TNR: variants seen among roughly 807,000 people sequenced by gnomAD.
The protein encoded by TNR is tenascin-R.
A neutral mutation model predicts 150.4 loss-of-function variants in TNR; 45 were observed. The observed-to-expected ratio is 0.30, with a 90% confidence interval of 0.24 to 0.38. TNR has a LOEUF of 0.38. Ranked by LOEUF, TNR falls within the 10% of genes least tolerant of loss-of-function variation. TNR has a pLI of 1.00. For synonymous variants in TNR, 687 were observed against 678.4 expected (o/e 1.01, Z -0.20); for missense variants, 1,544 against 1,759.1 (o/e 0.88, Z 2.19).
chr1:175,364,552 C>A (rs948082573), intron 12 of TNR, among the ~76,000 whole-genome samples: 2 of 152,156 alleles, frequency 1.3e-5, no homozygotes, highest in Non-Finnish European at 2.9e-5. Context: ...CAAATCAACC[C>A]CATTCTCTGA....
chr1:175,353,843 T>A (rs763547584), intron 18 of TNR, among the ~76,000 whole-genome samples: 1 of 84,156 alleles, frequency 1.2e-5, no homozygotes, highest in African/African-American at 4.9e-5. Flanking sequence ...TTTTTTAAAT[T>A]TTTATTTATT....
chr1:175,506,328 C>T (rs1472485750), intron 2 of TNR, among the ~76,000 whole-genome samples: 1 of 152,216 alleles, frequency 6.6e-6, no homozygotes, highest in African/African-American at 2.4e-5. Context: ...ATTGAGAGCA[C>T]TTTTGTGGGT....
chr1:175,507,999 T>C (rs1331380224), intron 2 of TNR, among the ~76,000 whole-genome samples: 1 of 152,216 alleles, frequency 6.6e-6, no homozygotes. Flanking sequence ...TTAAAAAGAC[T>C]GTATCCAGGA....
At chr1:175,675,835 A>AG (rs1306597404) in intron 1 of TNR, among the ~76,000 whole-genome samples, 2 of 151,842 alleles carry the variant, frequency 1.3e-5, no homozygotes, top group Non-Finnish European at 2.9e-5. Flanking sequence ...AGGGGTGGGG[A>AG]GGGGGCTTCT....
chr1:175,353,270 C>A (rs1317509377), intron 18 of TNR, among the ~76,000 whole-genome samples: 1 of 152,158 alleles, frequency 6.6e-6, no homozygotes, highest in East Asian at 1.9e-4. Flanking sequence ...CTCTCTGTGG[C>A]CCAATTTCCT....
chr1:175,324,873 G>A (rs1649282527), intron 21 of TNR, among the ~76,000 whole-genome samples: 1 of 152,104 alleles, frequency 6.6e-6, no homozygotes, highest in Admixed American at 6.5e-5. Flanking sequence ...AGAGGAGATG[G>A]TGATGAGCCA....
intron 1 of TNR, among the ~76,000 whole-genome samples, chr1:175,576,194 T>C (rs927910179): frequency 2.0e-5 from 3 of 152,176 alleles, no homozygotes; most frequent in Admixed American, 6.5e-5. Flanking sequence ...TTTCACTGGA[T>C]AGAAGTTTAA....
intron 2 of TNR, among the ~76,000 whole-genome samples, chr1:175,498,445 C>A (rs866579760): frequency 6.6e-6 from 1 of 152,178 alleles, no homozygotes; most frequent in Non-Finnish European, 1.5e-5. Context: ...GAGAAAGAAG[C>A]CTTAGCCCCT....
chr1:175,715,244 C>T (rs1667123861), intron 1 of TNR, among the ~76,000 whole-genome samples: 2 of 152,174 alleles, frequency 1.3e-5, no homozygotes, highest in South Asian at 4.1e-4. Context: ...TCTCAGTACC[C>T]ATTCCATGGC....
At chr1:175,640,413 A>G (rs1664619757) in intron 1 of TNR, among the ~76,000 whole-genome samples, 1 of 152,202 alleles carries the variant, frequency 6.6e-6, no homozygotes, top group Non-Finnish European at 1.5e-5. Flanking sequence ...TTGTTAAGCC[A>G]TGTACTGGCA....
intron 2 of TNR, among the ~76,000 whole-genome samples, chr1:175,409,309 C>T (rs555937598): frequency 5.9e-5 from 9 of 152,294 alleles, no homozygotes; most frequent in African/African-American, 1.7e-4. Flanking sequence ...TAGCACATAA[C>T]AGCTTTTTTG....
intron 1 of TNR, among the ~76,000 whole-genome samples, chr1:175,585,632 C>A (rs1662532776): frequency 1.3e-5 from 2 of 152,178 alleles, no homozygotes; most frequent in Non-Finnish European, 2.9e-5. Flanking sequence ...ACAGGAAGAC[C>A]TTAATAGTAT....
intron 4 of TNR, 78 bp from the exon 5 acceptor site, chr1:175,396,885 A>T: frequency 6.5e-7 from 1 of 1,536,330 alleles, no homozygotes; most frequent in East Asian, 2.3e-5. Flanking sequence ...TCTTCCTCAC[A>T]TCTCACCCCC....
At chr1:175,738,390 A>G (rs547321134) in intron 1 of TNR, among the ~76,000 whole-genome samples, 1 of 152,334 alleles carries the variant, frequency 6.6e-6, no homozygotes, top group South Asian at 2.1e-4. Context: ...AACCTTGAGG[A>G]CATTATGCTA....
At chr1:175,539,433 G>A (rs2102187582) in intron 1 of TNR, among the ~76,000 whole-genome samples, 1 of 152,342 alleles carries the variant, frequency 6.6e-6, no homozygotes, top group African/African-American at 2.4e-5. Flanking sequence ...CCCATGTGTG[G>A]AATCTGGGAA....
At chr1:175,407,445 T>C (rs1048780376) in intron 2 of TNR, among the ~76,000 whole-genome samples, 1 of 152,216 alleles carries the variant, frequency 6.6e-6, no homozygotes, top group Non-Finnish European at 1.5e-5. Context: ...CAAGTTCCTG[T>C]TTAAATTGGT....
intron 22 of TNR, 106 bp from the exon 23 acceptor site, chr1:175,323,582 C>G: frequency 6.8e-7 from 1 of 1,472,514 alleles, no homozygotes; most frequent in African/African-American, 1.4e-5. Context: ...GTGGGGTTAG[C>G]TATTTTCAGC....
At chr1:175,402,176 G>A (rs1337357723) in intron 4 of TNR, among the ~76,000 whole-genome samples, 2 of 151,350 alleles carry the variant, frequency 1.3e-5, no homozygotes, top group African/African-American at 4.9e-5. Flanking sequence ...GCGCGGTGGT[G>A]GGCGCCTGTA....
chr1:175,413,253 T>C (rs908394458), intron 2 of TNR, among the ~76,000 whole-genome samples: 1 of 152,266 alleles, frequency 6.6e-6, no homozygotes, highest in African/African-American at 2.4e-5. Flanking sequence ...CTCGAACTCC[T>C]GACCTCAGGT....
Sources: allele counts gnomAD v4.1 joint callset (sites outside exome capture counted in the v4.1 genomes callset), GRCh38; gene constraint gnomAD v4.1.1; transcripts MANE v1.5; gene names NCBI Gene and HGNC (gene_info 2026-07-23, HGNC 2026-07-21).